Variants in CDH4 observed in about 807,000 individuals in gnomAD.
CDH4 encodes the protein cadherin 4, also known as cadherin-4.
CDH4 carries 33 observed loss-of-function variants against 86.0 expected under a neutral mutation model. That is an observed-to-expected ratio of 0.38 (90% CI 0.29 to 0.51). The LOEUF (loss-of-function observed/expected upper bound fraction) is 0.51, where lower values mean the gene tolerates loss of function less well. Among genes scored for constraint, CDH4 ranks in the 20% least tolerant of loss-of-function variants. The pLI is 0.86. For missense variants in CDH4, 1,114 were observed against 1,307.4 expected (o/e 0.85, Z 2.28); for synonymous variants, 555 against 549.4 (o/e 1.01, Z -0.14).
At chr20:61,567,883 G>A (rs552481480) in intron 2 of CDH4, among the ~76,000 whole-genome samples, 9 of 152,248 alleles carry the variant, frequency 5.9e-5, no homozygotes, top group East Asian at 1.9e-4. Context: ...TGAGGAAGGA[G>A]GATCCCTTGA....
intron 2 of CDH4, among the ~76,000 whole-genome samples, chr20:61,688,370 C>G (rs2087612401): frequency 6.6e-6 from 1 of 152,152 alleles, no homozygotes; most frequent in Non-Finnish European, 1.5e-5. Context: ...ACCCACCACC[C>G]AGTGCCTCAA....
chr20:61,475,039 G>T (rs1345184910), intron 2 of CDH4, among the ~76,000 whole-genome samples: 1 of 152,144 alleles, frequency 6.6e-6, no homozygotes, highest in Non-Finnish European at 1.5e-5. Flanking sequence ...ATTCAGTTTT[G>T]ATTTGTGATG....
intron 4 of CDH4, among the ~76,000 whole-genome samples, chr20:61,781,884 G>A (rs1473391076): frequency 2.0e-5 from 3 of 152,202 alleles, no homozygotes; most frequent in South Asian, 4.1e-4. Flanking sequence ...CAATATGTCC[G>A]GGGCAGCAGT....
intron 2 of CDH4, among the ~76,000 whole-genome samples, chr20:61,440,463 T>C (rs2085308205): frequency 6.6e-6 from 1 of 152,226 alleles, no homozygotes; most frequent in South Asian, 2.1e-4. Flanking sequence ...ACCCTAAAAG[T>C]TAGCATTTAG....
At chr20:61,440,834 A>C (rs555750058) in intron 2 of CDH4, among the ~76,000 whole-genome samples, 1 of 152,314 alleles carries the variant, frequency 6.6e-6, no homozygotes, top group South Asian at 2.1e-4. Flanking sequence ...CATGGGGAGA[A>C]GTTCTGGCAA....
At chr20:61,724,183 G>A (rs1396622412) in intron 2 of CDH4, among the ~76,000 whole-genome samples, 1 of 151,270 alleles carries the variant, frequency 6.6e-6, no homozygotes, top group Admixed American at 6.6e-5. Context: ...TGCGGCAGGC[G>A]GGGTGGGTCC....
In CDH4 at chr20:61,566,176, C is replaced by T. The variant is rs560913979; in HGVS notation, c.170-177387C>T. Among the ~76,000 whole-genome samples the T allele has an allele frequency of 5.3e-5, 8 of 152,330 alleles. No homozygotes were observed. In the South Asian group the frequency reaches 1.7e-3, roughly 32 times the overall value. ...CTTCCACCCCTGCATGGTCCCAGGG[C>T]TTCCTGCCCTTGCCGGGCCCATGTG... On this transcript the variant is annotated intron_variant, in intron 2 of 15. Transcript: ENST00000614565.
chr20:61,295,168 C>T (rs544465558), intron 2 of CDH4, among the ~76,000 whole-genome samples: 117 of 152,240 alleles, frequency 7.7e-4, no homozygotes, highest in African/African-American at 2.6e-3. Flanking sequence ...GGCTGTTGTA[C>T]GGGAGGGGAA....
At chr20:61,375,435 C>G (rs1244343409) in intron 2 of CDH4, among the ~76,000 whole-genome samples, 1 of 147,414 alleles carries the variant, frequency 6.8e-6, no homozygotes, top group African/African-American at 2.5e-5. Flanking sequence ...TGGTGGTGGT[C>G]TTGGTGGTGG....
chr20:61,491,887 G>T (rs1366258443), intron 2 of CDH4, among the ~76,000 whole-genome samples: 1 of 151,874 alleles, frequency 6.6e-6, no homozygotes, highest in Non-Finnish European at 1.5e-5. Flanking sequence ...ATTGATGTTG[G>T]TGTTGTCAAT....
intron 2 of CDH4, among the ~76,000 whole-genome samples, chr20:61,409,534 C>T (rs1370611517): frequency 6.6e-6 from 1 of 152,164 alleles, no homozygotes; most frequent in East Asian, 1.9e-4. Flanking sequence ...CCTGGGCAGT[C>T]GGGACTCACC....
chr20:61,756,352 C>G (rs548710573), intron 3 of CDH4, among the ~76,000 whole-genome samples: 1 of 152,240 alleles, frequency 6.6e-6, no homozygotes, highest in Non-Finnish European at 1.5e-5. Flanking sequence ...GAGGTGGGGC[C>G]CACAGGCAGC....
At chr20:61,656,438 G>A (rs1385487195) in intron 2 of CDH4, among the ~76,000 whole-genome samples, 2 of 151,974 alleles carry the variant, frequency 1.3e-5, no homozygotes, top group African/African-American at 2.4e-5. Flanking sequence ...GCATGCTGGG[G>A]TGGAAAGGTT....
chr20:61,388,372 G>T (rs539122496), intron 2 of CDH4, among the ~76,000 whole-genome samples: 14 of 152,262 alleles, frequency 9.2e-5, no homozygotes, highest in Non-Finnish European at 1.8e-4. Context: ...CCAAAGTGGG[G>T]TCCCAATTTC....
rs1328202815 is a variant in CDH4, at chr20:61,684,297, C to T, written c.170-59266C>T. 6.6e-6 allele frequency among the ~76,000 whole-genome samples: 1 copy of T among 152,162 alleles called. No homozygotes were observed. Among genetic ancestry groups the T allele is most frequent in the East Asian group, 1.9e-4 (1 of 5,186 alleles). ...TGCTCAGAGGGTGGCAAAGGGGCGA[C>T]CATGCGACTGAGCCCTGTGGGAAGA... On this transcript the variant is annotated intron_variant, in intron 2 of 15. Transcript: ENST00000614565. The surrounding 1 kb of genome is among the most constrained non-coding windows in gnomAD (Gnocchi z 4.5).
chr20:61,292,036 C>G (rs1047602092), intron 2 of CDH4, among the ~76,000 whole-genome samples: 1 of 152,144 alleles, frequency 6.6e-6, no homozygotes, highest in Non-Finnish European at 1.5e-5. Context: ...CTAAGGATGA[C>G]GGCCTCCAGC....
chr20:61,469,582 A>G (rs894829437), intron 2 of CDH4, among the ~76,000 whole-genome samples: 2 of 151,974 alleles, frequency 1.3e-5, no homozygotes, highest in Non-Finnish European at 2.9e-5. Context: ...TTATTTGTCC[A>G]TTTTTGCTTT....
intron 2 of CDH4, among the ~76,000 whole-genome samples, chr20:61,491,789 T>C (rs2085627078): frequency 6.6e-6 from 1 of 152,162 alleles, no homozygotes; most frequent in Non-Finnish European, 1.5e-5. Context: ...GATGCTGATG[T>C]AATGGTGTTG....
chr20:61,798,174 C>CCCCCGCCCCG (rs11473052), intron 4 of CDH4, among the ~76,000 whole-genome samples: 1 of 150,552 alleles, frequency 6.6e-6, no homozygotes, highest in African/African-American at 2.5e-5. Flanking sequence ...GCAGCCATAA[C>CCCCCGCCCCG]CCCCGCCCCG....
Sources: gnomAD v4.1 joint callset for allele counts (sites outside exome capture counted in the v4.1 genomes callset) on GRCh38, gnomAD v4.1.1 for gene constraint, Gnocchi (gnomAD v3.1) non-coding constraint, MANE v1.5 for transcripts, NCBI Gene and HGNC (gene_info 2026-07-23, HGNC 2026-07-21) for gene names.